ZCCHC8: variants seen among roughly 807,000 people sequenced by gnomAD.
The protein encoded by ZCCHC8 is zinc finger CCHC domain-containing protein 8.
In ZCCHC8, 27 loss-of-function variants were observed where a neutral mutation model predicts 70.6. The observed-to-expected ratio is 0.38, with a 90% confidence interval of 0.28 to 0.53. ZCCHC8 has a LOEUF of 0.53. Ranked by LOEUF, ZCCHC8 falls within the 20% of genes least tolerant of loss-of-function variation. The pLI, the probability that ZCCHC8 is intolerant of heterozygous loss-of-function variation, is 0.81. For synonymous variants in ZCCHC8, 293 were observed against 317.4 expected (o/e 0.92, Z 0.82); for missense variants, 737 against 876.9 (o/e 0.84, Z 2.01).
At chr12:122,476,598 A>AC (rs1006756737) in intron 13 of ZCCHC8, among the ~76,000 whole-genome samples, 4 of 149,530 alleles carry the variant, frequency 2.7e-5, no homozygotes, top group African/African-American at 9.8e-5. Flanking sequence ...TGTCTCAAAA[A>AC]AAAAAACAAA....
chr12:122,486,878 G>C (rs1232445590), intron 5 of ZCCHC8, among the ~76,000 whole-genome samples: 1 of 152,198 alleles, frequency 6.6e-6, no homozygotes, highest in African/African-American at 2.4e-5. Flanking sequence ...CCACGGGCCT[G>C]GTTTTAAGCC....
intron 11 of ZCCHC8, among the ~76,000 whole-genome samples, chr12:122,479,356 C>A (rs1205938063): frequency 6.6e-6 from 1 of 152,194 alleles, no homozygotes; most frequent in Non-Finnish European, 1.5e-5. Context: ...GGATTACAGG[C>A]ACGGGCCACT....
intron 3 of ZCCHC8, among the ~76,000 whole-genome samples, chr12:122,491,355 C>G (rs1051439970): frequency 1.3e-5 from 2 of 152,028 alleles, no homozygotes; most frequent in African/African-American, 4.8e-5. Flanking sequence ...ATGGCGAAAC[C>G]CTGTCTCTAC....
chr12:122,482,157 TAC>T, intron 8 of ZCCHC8, 70 bp from the exon 9 acceptor site: 1 of 1,459,194 alleles, frequency 6.9e-7, no homozygotes, highest in Non-Finnish European at 9.1e-7. Context: ...TAAATAAAAA[TAC>T]TTTTTTTTAG....
chr12:122,486,428 A>G (rs888118765), intron 5 of ZCCHC8, among the ~76,000 whole-genome samples: 3 of 151,262 alleles, frequency 2.0e-5, no homozygotes, highest in African/African-American at 7.3e-5. Flanking sequence ...AAAAAAAAAA[A>G]AAAAAAAAAA....
chr12:122,478,386 A>C, intron 11 of ZCCHC8, 94 bp from the exon 12 acceptor site: 1 of 815,248 alleles, frequency 1.2e-6, no homozygotes, highest in Non-Finnish European at 1.9e-6. Context: ...TGGAGATCTC[A>C]AATTACATTT....
chr12:122,481,386 G>T, intron 10 of ZCCHC8, 136 bp downstream of exon 10: 1 of 1,156,304 alleles, frequency 8.6e-7, no homozygotes, highest in South Asian at 1.8e-5. Flanking sequence ...AATTTACCAA[G>T]GAAACATCAT....
Position 122,478,052 on chromosome 12 carries a change from GGAGTTAA to G in ZCCHC8, c.1228-101_1228-95del, listed in dbSNP as rs1957454578. Reference sequence around the variant, plus strand: ...TTAAAATGATGTAGAAAAACAATCTGGAGTTAAGTCTAGGTAATTGGTGAATTTTGCC... The same window carrying G: ...TTAAAATGATGTAGAAAAACAATCTGGTCTAGGTAATTGGTGAATTTTGCC... On this transcript the variant is annotated intron_variant, in intron 12 of 13. Transcript: ENST00000633063. 1.3e-5 allele frequency: 16 copies of G among 1,229,920 alleles called. No individual in the cohort carries two copies. The South Asian group carries it at 2.0e-4, about 15-fold the overall frequency. 76.2% of individuals were successfully genotyped at this position (1,229,920 alleles called of 1,614,324 possible).
At position 122,473,478 on chromosome 12, in the gene ZCCHC8, T is replaced by A. The variant is rs1957351264; in HGVS notation, c.*19A>T. ...ACGGAACAAAGTTATTAAATAGCTC[T>A]CAGTGCTAAGTCAAGCCATTATTCA... On this transcript the variant is annotated 3_prime_UTR_variant, in exon 14 of 14. Transcript: ENST00000633063. The A allele has an allele frequency of 1.2e-6, 2 of 1,606,136 alleles. No homozygotes were observed. Among genetic ancestry groups the A allele is most frequent in the Non-Finnish European group, 1.7e-6 (2 of 1,175,880 alleles).
At chr12:122,489,510 C>A (rs768670724) in intron 4 of ZCCHC8, 47 bp from the exon 5 acceptor site, 3 of 1,547,710 alleles carry the variant, frequency 1.9e-6, no homozygotes, top group South Asian at 1.1e-5. Context: ...CAATTTTTAA[C>A]CAGTTTAAAT....
chr12:122,487,120 G>A (rs1957656498), intron 5 of ZCCHC8, among the ~76,000 whole-genome samples: 1 of 152,140 alleles, frequency 6.6e-6, no homozygotes, highest in Non-Finnish European at 1.5e-5. Context: ...TGCATCCAAG[G>A]TTCGGTTCAG....
chr12:122,483,310 C>G lies in ZCCHC8; in HGVS notation c.640G>C (p.Glu214Gln), dbSNP rs758638063. 1 of 1,600,670 alleles carries G rather than the reference C, an allele frequency of 6.2e-7. No individual in the cohort carries two copies. The highest frequency in any genetic ancestry group is 1.1e-5 in the South Asian group (1 of 88,492). Residue 214 changes from glutamate to glutamine, a missense_variant, in exon 7 of 14, where the codon GAA becomes CAA. By Grantham distance (29) the Glu-to-Gln change is conservative. Transcript: ENST00000633063. The surrounding 1 kb of genome is among the most constrained non-coding windows in gnomAD (Gnocchi z 4.4). ...GCCTTTACTTGTATTTCTTGCCCTT[C>G]TAGAGAAACAATGTGGCTGAAGACT... ...HQVFSHIVSL[E>Q]GQEIQVKAKR...
In ZCCHC8 at chr12:122,473,563, G is replaced by T; in HGVS notation, c.2058C>A (p.Leu686=). 6.2e-7 allele frequency: 1 copy of T among 1,613,952 alleles called. No homozygotes were observed. Among genetic ancestry groups the T allele is most frequent in the South Asian group, 1.1e-5 (1 of 91,076 alleles). ...AGTTCTTTAACAAGCTTCTTATCCT[G>T]AGGTACATTCCAGTAGATTCTGCCA... ...ENMAESTGMY[L]RIRSLLKNSP... is the part of the protein sequence containing the mutation. Residue 686 remains leucine (L), a synonymous_variant, in exon 14 of 14, where the codon CTC becomes CTA. Transcript: ENST00000633063.
At position 122,478,130 on chromosome 12, in the gene ZCCHC8, T is replaced by C; in HGVS notation, c.1227+76A>G. 2.2e-6 allele frequency: 3 copies of C among 1,351,506 alleles called. No individual in the cohort carries two copies. In the South Asian group the frequency reaches 3.7e-5, roughly 17 times the overall value. 83.7% of individuals were successfully genotyped at this position (1,351,506 alleles called of 1,614,324 possible). On this transcript the variant is annotated intron_variant, in intron 12 of 13. Transcript: ENST00000633063. Reference sequence around the variant, plus strand: ...TCAAGATAACAAAGCAAGAAAAGGCTGTAAGACGCTAATAAATTACACAAT... The same window carrying C: ...TCAAGATAACAAAGCAAGAAAAGGCCGTAAGACGCTAATAAATTACACAAT...
chr12:122,478,541 T>C (rs994983512), intron 11 of ZCCHC8: 15 of 388,940 alleles, frequency 3.9e-5, no homozygotes, highest in Non-Finnish European at 6.6e-5. Context: ...TTCTACATAC[T>C]GCAAGCAGAA....
At chr12:122,495,451 G>T (rs955920359) in intron 2 of ZCCHC8, among the ~76,000 whole-genome samples, 3 of 152,120 alleles carry the variant, frequency 2.0e-5, no homozygotes, top group Non-Finnish European at 4.4e-5. Context: ...AGATCATGCC[G>T]CTGTACTCCA....
intron 10 of ZCCHC8, chr12:122,481,273 A>T (rs914653913): frequency 9.9e-6 from 3 of 302,054 alleles, no homozygotes; most frequent in Non-Finnish European, 1.8e-5. Flanking sequence ...GCTTATGAGG[A>T]CTGGCTGGAG....
intron 2 of ZCCHC8, among the ~76,000 whole-genome samples, chr12:122,495,332 A>C (rs1957809779): frequency 6.6e-6 from 1 of 152,018 alleles, no homozygotes; most frequent in Non-Finnish European, 1.5e-5. Flanking sequence ...TCTGCCAAAA[A>C]ATACAAAAAT....
intron 10 of ZCCHC8, 88 bp downstream of exon 10, chr12:122,481,434 G>A (rs2137334728): frequency 1.4e-6 from 2 of 1,460,508 alleles, no homozygotes; most frequent in South Asian, 1.4e-5. Flanking sequence ...AAAGAAGCCG[G>A]CCATTCCTAT....
Sources: gnomAD v4.1 joint callset for allele counts (sites outside exome capture counted in the v4.1 genomes callset) on GRCh38, gnomAD v4.1.1 for gene constraint, Gnocchi (gnomAD v3.1) non-coding constraint, MANE v1.5 for transcripts, NCBI Gene and HGNC (gene_info 2026-07-23, HGNC 2026-07-21) for gene names.